The following STXBP5L variants were observed in gnomAD, a reference collection of about 807,000 sequenced individuals.
STXBP5L encodes syntaxin binding protein 5L.
Under a neutral mutation model 144.5 loss-of-function variants are expected in STXBP5L, and 65 were observed. The observed-to-expected ratio is 0.45, with a 90% CI of 0.37 to 0.55. The LOEUF (loss-of-function observed/expected upper bound fraction) is 0.55. Among genes scored for constraint, STXBP5L ranks in the 20% least tolerant of loss-of-function variants. The probability of loss-of-function intolerance (pLI) is 0.00; values close to 1 mark genes in which losing one functional copy is unlikely to be tolerated. For synonymous variants in STXBP5L, 505 were observed against 469.6 expected (o/e 1.08, Z -0.97); for missense variants, 1,298 against 1,405.5 (o/e 0.92, Z 1.22).
chr3:121,372,039 G>A (rs2046046230), intron 20 of STXBP5L, among the ~76,000 whole-genome samples: 1 of 152,236 alleles, frequency 6.6e-6, no homozygotes, highest in Admixed American at 6.5e-5. Context: ...GTGGCTACGG[G>A]TGAGTGCCTG....
intron 3 of STXBP5L, among the ~76,000 whole-genome samples, chr3:121,039,968 A>G (rs1947033471): frequency 1.3e-5 from 2 of 152,062 alleles, no homozygotes; most frequent in African/African-American, 4.8e-5. Flanking sequence ...AGATAGATGG[A>G]TGGATAGATA....
intron 22 of STXBP5L, among the ~76,000 whole-genome samples, chr3:121,406,324 C>A (rs2046992950): frequency 6.6e-6 from 1 of 152,058 alleles, no homozygotes; most frequent in African/African-American, 2.4e-5. Flanking sequence ...AATGAATATA[C>A]TTTTATCTGT....
intron 5 of STXBP5L, among the ~76,000 whole-genome samples, chr3:121,089,672 T>C (rs958441188): frequency 6.6e-6 from 1 of 152,050 alleles, no homozygotes. Context: ...TTTTTCAGTC[T>C]CATCCTCTTT....
intron 15 of STXBP5L, among the ~76,000 whole-genome samples, chr3:121,253,329 GCTCT>G (rs1435022084): frequency 2.0e-5 from 3 of 149,962 alleles, no homozygotes; most frequent in Admixed American, 2.0e-4. Flanking sequence ...CCTCTCCCTG[GCTCT>G]CTCTTTTACT....
intron 19 of STXBP5L, among the ~76,000 whole-genome samples, chr3:121,312,368 CTTTTTTTTTTTTTTT>C (rs71619793): frequency 1.7e-5 from 1 of 60,086 alleles, no homozygotes. Context: ...TAAAGAGCTT[CTTTTTTTTTTTTTTT>C]TTTTTTTTAT....
At chr3:121,283,291 GC>G (rs755563030) in intron 19 of STXBP5L, among the ~76,000 whole-genome samples, 9 of 152,042 alleles carry the variant, frequency 5.9e-5, no homozygotes, top group South Asian at 4.2e-4. Context: ...ACTGGTTTAT[GC>G]CCTTAGCTTA....
intron 9 of STXBP5L, among the ~76,000 whole-genome samples, chr3:121,185,380 T>C (rs2047334457): frequency 1.3e-5 from 2 of 152,242 alleles, no homozygotes; most frequent in Non-Finnish European, 2.9e-5. Context: ...CCCATGCCTA[T>C]GTCCTGAATG....
At position 121,250,742 on chromosome 3, in the gene STXBP5L, A is replaced by C; in HGVS notation, c.1420A>C (p.Lys474Gln). The change falls in exon 15 of 27, where the codon AAA (lysine) becomes CAA (glutamine). Residue 474 changes from lysine (K) to glutamine (Q), a missense_variant. Physicochemically the swap from Lys to Gln is moderately conservative, Grantham distance 53 (BLOSUM62 1). Coordinates refer to ENST00000471454, the MANE Select transcript of STXBP5L (RefSeq NM_001308330.2). Reference protein sequence around the residue: ...IITGHADGSIKFWDASAITLQ... With the variant: ...IITGHADGSIQFWDASAITLQ... ...ATCTAGTCATGCAGATGGATCAATA[A>C]AATTTTGGGATGCTTCTGCAAGTAA... 1 of 1,609,488 alleles carries C rather than the reference A, an allele frequency of 6.2e-7. No individual in the cohort carries two copies.
intron 20 of STXBP5L, among the ~76,000 whole-genome samples, chr3:121,352,340 T>A (rs1029117168): frequency 1.3e-5 from 2 of 152,148 alleles, no homozygotes; most frequent in Admixed American, 1.3e-4. Flanking sequence ...TCCATTTGAT[T>A]GTGTCTTCTT....
intron 9 of STXBP5L, chr3:121,159,044 A>G (rs1163957145): frequency 6.6e-6 from 1 of 152,034 alleles, no homozygotes; most frequent in Non-Finnish European, 1.5e-5. Context: ...TAACATAAGC[A>G]CCAGTGATTT....
At chr3:121,418,661 T>G in intron 26 of STXBP5L, 104 bp downstream of exon 26, 6 of 1,086,642 alleles carry the variant, frequency 5.5e-6, no homozygotes, top group Non-Finnish European at 7.9e-6. Flanking sequence ...AGTAATCCTG[T>G]ATGAGAATCA....
chr3:120,963,803 G>T (rs1425976544), intron 3 of STXBP5L, among the ~76,000 whole-genome samples: 2 of 152,124 alleles, frequency 1.3e-5, no homozygotes, highest in Non-Finnish European at 2.9e-5. Flanking sequence ...AATTTGGGAG[G>T]ATTTCCTCTT....
At chr3:121,095,706 T>C (rs1377302954) in intron 5 of STXBP5L, among the ~76,000 whole-genome samples, 1 of 152,188 alleles carries the variant, frequency 6.6e-6, no homozygotes, top group Non-Finnish European at 1.5e-5. Flanking sequence ...TTTCAAGGTT[T>C]TTAACTTCTT....
chr3:121,250,137 C>T (rs1308456049), intron 14 of STXBP5L, among the ~76,000 whole-genome samples: 12 of 151,804 alleles, frequency 7.9e-5, no homozygotes, highest in African/African-American at 2.9e-4. Context: ...TGAGGAATAT[C>T]GGTTTGTAAT....
chr3:121,079,189 G>T (rs558156107), intron 5 of STXBP5L, among the ~76,000 whole-genome samples: 2,031 of 152,352 alleles, frequency 0.013, 20 homozygotes, highest in Non-Finnish European at 0.018. Context: ...TGTCCAGAAA[G>T]TCTGAGCCCT....
At chr3:121,303,488 G>T (rs982642608) in intron 19 of STXBP5L, among the ~76,000 whole-genome samples, 16 of 152,272 alleles carry the variant, frequency 1.1e-4, no homozygotes, top group Admixed American at 6.5e-5. Flanking sequence ...CAGGGATCTA[G>T]AACTAGAAAT....
chr3:121,258,683 A>G (rs551218058), intron 17 of STXBP5L, among the ~76,000 whole-genome samples: 2 of 152,280 alleles, frequency 1.3e-5, no homozygotes, highest in South Asian at 2.1e-4. Flanking sequence ...GGGTAGGTTA[A>G]TGGTCATTTG....
chr3:121,178,184 G>A (rs868536675), intron 9 of STXBP5L, among the ~76,000 whole-genome samples: 22 of 152,146 alleles, frequency 1.4e-4, no homozygotes, highest in Admixed American at 9.2e-4. Flanking sequence ...AAGACAAAAA[G>A]TTCTGGAGAT....
chr3:121,185,517 G>T (rs2047340233), intron 9 of STXBP5L, among the ~76,000 whole-genome samples: 1 of 152,104 alleles, frequency 6.6e-6, no homozygotes, highest in African/African-American at 2.4e-5. Context: ...TCTACATATG[G>T]CTGGCCAGTT....
Sources: gnomAD v4.1 joint callset for allele counts (sites outside exome capture counted in the v4.1 genomes callset) on GRCh38, gnomAD v4.1.1 for gene constraint, MANE v1.5 for transcripts, NCBI Gene and HGNC (gene_info 2026-07-23, HGNC 2026-07-21) for gene names.